Variants in AUTS2 observed in about 807,000 individuals in gnomAD.
AUTS2 encodes autism susceptibility gene 2 protein.
A neutral mutation model predicts 112.4 loss-of-function variants in AUTS2; 17 were observed. The ratio of observed to expected loss-of-function variants is 0.15; its 90% CI spans 0.10 to 0.23. AUTS2 has a LOEUF of 0.23. AUTS2 is among the 10% of genes least tolerant of loss of function. AUTS2 has a pLI of 1.00. For missense variants in AUTS2, 1,510 were observed against 1,701.6 expected (o/e 0.89, Z 1.98); for synonymous variants, 751 against 702.7 (o/e 1.07, Z -1.09).
At chr7:70,231,152 G>A (rs1385652677) in intron 4 of AUTS2, among the ~76,000 whole-genome samples, 1 of 152,050 alleles carries the variant, frequency 6.6e-6, no homozygotes, top group Non-Finnish European at 1.5e-5. Flanking sequence ...GTTTATTTTT[G>A]TGGCAAGGAT....
Position 70,358,198 on chromosome 7 carries a change from C to A in AUTS2, c.661-77554C>A, listed in dbSNP as rs118052929. ...AATAGTATTTTCTTATCAGCCCTCA[C>A]CCTGGTAACTTTTCTCTTGTTGATC... On this transcript the variant is annotated intron_variant, in intron 4 of 18. Transcript: ENST00000342771. Among the ~76,000 whole-genome samples the A allele has an allele frequency of 8.3e-3, 1,269 of 152,282 alleles. 13 individuals are homozygous for A. The highest frequency in any genetic ancestry group is 0.012 in the Non-Finnish European group (800 of 68,022).
intron 4 of AUTS2, among the ~76,000 whole-genome samples, chr7:70,186,526 G>A (rs1379651486): frequency 3.9e-5 from 6 of 152,106 alleles, no homozygotes; most frequent in Non-Finnish European, 8.8e-5. Context: ...ACAGATTATG[G>A]TAATAGTGAT....
At chr7:70,417,960 A>G (rs1231398485) in intron 4 of AUTS2, among the ~76,000 whole-genome samples, 8 of 152,146 alleles carry the variant, frequency 5.3e-5, no homozygotes, top group African/African-American at 1.9e-4. Context: ...AAAGGAGGCA[A>G]GCTCCTTGGA....
chr7:70,716,911 G>T (rs534582351), intron 6 of AUTS2, among the ~76,000 whole-genome samples: 28 of 151,046 alleles, frequency 1.9e-4, no homozygotes, highest in African/African-American at 6.8e-4. Flanking sequence ...TTGGGTATAT[G>T]TCTAATCAAT....
intron 4 of AUTS2, among the ~76,000 whole-genome samples, chr7:70,420,341 G>GGAGCTGT (rs1371251709): frequency 6.6e-6 from 1 of 152,078 alleles, no homozygotes; most frequent in Non-Finnish European, 1.5e-5. Flanking sequence ...CATCCAGCCA[G>GGAGCTGT]GAGCTGTGAC....
chr7:69,694,383 A>G (rs1482292370), intron 1 of AUTS2, among the ~76,000 whole-genome samples: 1 of 152,100 alleles, frequency 6.6e-6, no homozygotes, highest in Non-Finnish European at 1.5e-5. Flanking sequence ...CTGTTATAGC[A>G]TCTGCAGGTG....
At chr7:70,609,348 A>C (rs1042576019) in intron 5 of AUTS2, among the ~76,000 whole-genome samples, 1 of 149,910 alleles carries the variant, frequency 6.7e-6, no homozygotes, top group African/African-American at 2.5e-5. Flanking sequence ...ACTTGGTATA[A>C]TGTTCTCCAA....
In AUTS2 at chr7:69,638,721, G is replaced by A. The variant is rs147004195; in HGVS notation, c.309+38759G>A. On this transcript the variant is annotated intron_variant, in intron 1 of 18. Coordinates refer to ENST00000342771, the MANE Select transcript of AUTS2 (RefSeq NM_015570.4). Reference sequence around the variant, plus strand: ...TTACTTCAAGCAGTATTGCCATCTGGATGTCAAAAGACATTGAATTGACTT... The same window carrying A: ...TTACTTCAAGCAGTATTGCCATCTGAATGTCAAAAGACATTGAATTGACTT... Among the ~76,000 whole-genome samples, 1,448 of 152,244 alleles carry A rather than the reference G, an allele frequency of 9.5e-3. 12 individuals carry two copies. The highest frequency in any genetic ancestry group is 0.014 in the Non-Finnish European group (972 of 68,022).
chr7:69,819,979 T>G (rs1790914853), intron 1 of AUTS2, among the ~76,000 whole-genome samples: 2 of 152,216 alleles, frequency 1.3e-5, no homozygotes, highest in Non-Finnish European at 2.9e-5. Flanking sequence ...GGACCTATAT[T>G]TATCAAAGGA....
chr7:70,275,089 A>T (rs1250289968), intron 4 of AUTS2, among the ~76,000 whole-genome samples: 1 of 152,160 alleles, frequency 6.6e-6, no homozygotes, highest in Non-Finnish European at 1.5e-5. Context: ...TTATTCTGTC[A>T]CTGGGGCTGA....
At chr7:69,600,114 G>A (rs1305902870) in intron 1 of AUTS2, 152 bp downstream of exon 1, 2 of 881,940 alleles carry the variant, frequency 2.3e-6, no homozygotes, top group African/African-American at 3.4e-5. Flanking sequence ...GTTGGTGGGG[G>A]GAGCTGGGGG....
intron 4 of AUTS2, among the ~76,000 whole-genome samples, chr7:70,318,984 G>C (rs762970525): frequency 1.3e-5 from 2 of 152,182 alleles, no homozygotes; most frequent in African/African-American, 2.4e-5. Context: ...AAGCAAGATG[G>C]AAGGGTCTTG....
intron 2 of AUTS2, among the ~76,000 whole-genome samples, chr7:69,907,446 C>G (rs545998058): frequency 1.8e-4 from 27 of 152,288 alleles, no homozygotes; most frequent in African/African-American, 6.5e-4. Context: ...TGTGGATGTT[C>G]AAGTTCCTTA....
At chr7:70,424,851 T>G (rs534431927) in intron 4 of AUTS2, among the ~76,000 whole-genome samples, 115 of 152,266 alleles carry the variant, frequency 7.6e-4, no homozygotes, top group African/African-American at 2.6e-3. Flanking sequence ...TCTTCCAAAG[T>G]TCTGGGATTA....
chr7:70,337,518 T>C (rs1179809845), intron 4 of AUTS2, among the ~76,000 whole-genome samples: 1 of 152,210 alleles, frequency 6.6e-6, no homozygotes, highest in Non-Finnish European at 1.5e-5. Context: ...GGGTGAATAA[T>C]AATAAACTGC....
intron 5 of AUTS2, among the ~76,000 whole-genome samples, chr7:70,591,744 C>T (rs756298930): frequency 1.6e-4 from 25 of 152,184 alleles, no homozygotes; most frequent in African/African-American, 3.9e-4. Flanking sequence ...ATGCTCCCCC[C>T]ACCTGCAACA....
At chr7:69,988,385 G>C (rs564645491) in intron 2 of AUTS2, among the ~76,000 whole-genome samples, 1 of 152,194 alleles carries the variant, frequency 6.6e-6, no homozygotes, top group African/African-American at 2.4e-5. Context: ...TTTTTTTCTG[G>C]CCTCTCAGTA....
intron 5 of AUTS2, among the ~76,000 whole-genome samples, chr7:70,507,585 T>A (rs1434911257): frequency 2.0e-5 from 3 of 151,860 alleles, no homozygotes; most frequent in Non-Finnish European, 2.9e-5. Flanking sequence ...TCACCTGAGG[T>A]CAGGAGTTCA....
intron 5 of AUTS2, among the ~76,000 whole-genome samples, chr7:70,503,456 C>T (rs1345467883): frequency 6.6e-6 from 1 of 150,912 alleles, no homozygotes; most frequent in East Asian, 1.9e-4. Context: ...ATCCCAGCTA[C>T]TTGAGAGGTT....
Sources: allele counts gnomAD v4.1 joint callset (sites outside exome capture counted in the v4.1 genomes callset), GRCh38; gene constraint gnomAD v4.1.1; transcripts MANE v1.5; gene names NCBI Gene and HGNC (gene_info 2026-07-23, HGNC 2026-07-21).